Variants in DLG1 observed in about 807,000 individuals in gnomAD.
DLG1 encodes disks large homolog 1.
DLG1 carries 42 observed loss-of-function variants against 123.4 expected under a neutral mutation model. That is an observed-to-expected ratio of 0.34 (90% CI 0.27 to 0.44). DLG1 has a LOEUF of 0.44. Among genes scored for constraint, DLG1 ranks in the 20% least tolerant of loss-of-function variants. DLG1 has a pLI of 1.00. For missense variants in DLG1, 942 were observed against 1,082.6 expected (o/e 0.87, Z 1.82); for synonymous variants, 317 against 356.2 (o/e 0.89, Z 1.24).
chr3:197,211,926 T>C (rs1341506623), intron 4 of DLG1, among the ~76,000 whole-genome samples: 1 of 146,406 alleles, frequency 6.8e-6, no homozygotes, highest in African/African-American at 2.4e-5. Flanking sequence ...AAGAACACGA[T>C]CATGTCTTTT....
At chr3:197,047,370 T>C (rs1183351091) in intron 24 of DLG1, among the ~76,000 whole-genome samples, 2 of 152,364 alleles carry the variant, frequency 1.3e-5, no homozygotes, top group African/African-American at 4.8e-5. Flanking sequence ...AAACTCCCTG[T>C]ACTATTCTTG....
intron 5 of DLG1, among the ~76,000 whole-genome samples, chr3:197,153,235 T>C (rs1794814682): frequency 6.6e-6 from 1 of 152,106 alleles, no homozygotes; most frequent in Admixed American, 6.5e-5. Context: ...TAAAAACAAA[T>C]GGGGTGGATT....
chr3:197,166,065 T>C (rs1801242873), intron 5 of DLG1, among the ~76,000 whole-genome samples: 1 of 152,150 alleles, frequency 6.6e-6, no homozygotes, highest in South Asian at 2.1e-4. Flanking sequence ...AGCCTCAGCA[T>C]GGTGACGAGG....
rs751993034 is a variant in DLG1 at position 197,085,605 on chromosome 3, C to T, written c.1813G>A (p.Val605Ile). 57 of 1,614,002 alleles carry T rather than the reference C, an allele frequency of 3.5e-5. No homozygotes were observed. Among genetic ancestry groups the T allele is most frequent in the Non-Finnish European group, 3.8e-5 (45 of 1,179,996 alleles). The change falls in exon 16 of 25, where the codon GTC becomes ATC. Residue 605 changes from valine to isoleucine, a missense_variant. Physicochemically the swap from Val to Ile is conservative, Grantham distance 29. Coordinates refer to ENST00000667157, the MANE Select transcript of DLG1 (RefSeq NM_001366207.1). ...CTGCGTTTACTGGGAATCACTCCGA[C>T]CTCATCGCTCTCACCATCTGGTGTA... ...QVTPDGESDE[V>I]GVIPSKRRVE...
intron 5 of DLG1, among the ~76,000 whole-genome samples, chr3:197,178,186 A>T (rs775922769): frequency 3.9e-5 from 6 of 152,170 alleles, no homozygotes; most frequent in Non-Finnish European, 8.8e-5. Context: ...GGAAGCAAAA[A>T]ATATTAACGA....
At chr3:197,196,319 C>T (rs1025406896) in intron 4 of DLG1, among the ~76,000 whole-genome samples, 1 of 151,916 alleles carries the variant, frequency 6.6e-6, no homozygotes, top group African/African-American at 2.4e-5. Context: ...CTTACATCAA[C>T]ATTAGCTTAT....
chr3:197,133,965 G>A (rs960154885), intron 10 of DLG1, among the ~76,000 whole-genome samples: 2 of 152,196 alleles, frequency 1.3e-5, no homozygotes, highest in African/African-American at 2.4e-5. Context: ...AGAGAGACTT[G>A]CCACAATGGT....
intron 4 of DLG1, among the ~76,000 whole-genome samples, chr3:197,243,478 A>G (rs892207286): frequency 5.3e-5 from 8 of 152,242 alleles, no homozygotes; most frequent in African/African-American, 1.9e-4. Context: ...GTCTAGAAGT[A>G]AAAGTTTGTT....
At chr3:197,179,941 A>G (rs1194594792) in intron 5 of DLG1, among the ~76,000 whole-genome samples, 1 of 151,916 alleles carries the variant, frequency 6.6e-6, no homozygotes, top group Non-Finnish European at 1.5e-5. Context: ...AACTCAGCTA[A>G]TATTTACTCT....
intron 6 of DLG1, among the ~76,000 whole-genome samples, chr3:197,148,367 T>TGCCAA (rs1187634988): frequency 2.2e-5 from 3 of 135,418 alleles, no homozygotes; most frequent in Non-Finnish European, 4.6e-5. Context: ...GCTGAGATTG[T>TGCCAA]GCCAATGCAC....
At chr3:197,058,435 CACT>C (rs747032564) in intron 23 of DLG1, among the ~76,000 whole-genome samples, 2 of 152,076 alleles carry the variant, frequency 1.3e-5, no homozygotes, top group African/African-American at 2.4e-5. Context: ...CTTGGCAATT[CACT>C]ACTATTTAGT....
chr3:197,204,277 T>C (rs146258577), intron 4 of DLG1, among the ~76,000 whole-genome samples: 2 of 152,342 alleles, frequency 1.3e-5, no homozygotes, highest in Non-Finnish European at 2.9e-5. Context: ...CGGTTTAATA[T>C]GAAGCTGCAG....
chr3:197,296,160 T>G lies in DLG1; in HGVS notation c.151+186A>C, dbSNP rs528923993. ...AAAGCCACTGAAATAATCCTGAAAG[T>G]TTTTTGGTTACTAGTTATTTTAAGA... On this transcript the variant is annotated intron_variant, in intron 3 of 24. Transcript: ENST00000667157. Among the ~76,000 whole-genome samples the G allele has an allele frequency of 7.9e-5, 12 of 152,288 alleles. No individual in the cohort carries two copies. In the East Asian group the frequency reaches 1.2e-3, roughly 15 times the overall value.
At chr3:197,097,872 G>A (rs1395372710) in intron 14 of DLG1, among the ~76,000 whole-genome samples, 3 of 151,898 alleles carry the variant, frequency 2.0e-5, no homozygotes, top group Non-Finnish European at 2.9e-5. Context: ...GAGCCACCGC[G>A]CCCAACCCTC....
intron 5 of DLG1, among the ~76,000 whole-genome samples, chr3:197,175,504 T>G (rs1436565612): frequency 6.6e-6 from 1 of 152,236 alleles, no homozygotes; most frequent in African/African-American, 2.4e-5. Flanking sequence ...TAACATAGAC[T>G]TGCTAGTTTT....
At chr3:197,150,802 TACCACAGCTAAATGATATGACA>T (rs1277840805) in intron 5 of DLG1, among the ~76,000 whole-genome samples, 1 of 152,066 alleles carries the variant, frequency 6.6e-6, no homozygotes, top group Non-Finnish European at 1.5e-5. Flanking sequence ...TTCAGCACAG[TACCACAGCTAAATGATATGACA>T]AAATGCTTAA....
intron 4 of DLG1, among the ~76,000 whole-genome samples, chr3:197,240,230 T>G (rs1748155234): frequency 6.6e-6 from 1 of 152,164 alleles, no homozygotes; most frequent in Admixed American, 6.6e-5. Flanking sequence ...TGTAGAAGGT[T>G]TATTGTACAG....
intron 4 of DLG1, among the ~76,000 whole-genome samples, chr3:197,226,785 G>A (rs1740194603): frequency 6.6e-6 from 1 of 152,136 alleles, no homozygotes; most frequent in Non-Finnish European, 1.5e-5. Flanking sequence ...AGAAAGTCAA[G>A]CAGTTTAACT....
intron 4 of DLG1, among the ~76,000 whole-genome samples, chr3:197,209,053 C>G (rs1482704745): frequency 2.1e-5 from 3 of 145,884 alleles, no homozygotes; most frequent in African/African-American, 7.3e-5. Context: ...TAGTAAAAAT[C>G]AGATTTCTCA....
Sources: gnomAD v4.1 joint callset for allele counts (sites outside exome capture counted in the v4.1 genomes callset) on GRCh38, gnomAD v4.1.1 for gene constraint, MANE v1.5 for transcripts, NCBI Gene and HGNC (gene_info 2026-07-23, HGNC 2026-07-21) for gene names.